Variants in PI4KA observed in about 807,000 individuals in gnomAD.
PI4KA encodes phosphatidylinositol 4-kinase alpha, also known as PI4-kinase alpha.
PI4KA carries 122 observed loss-of-function variants against 271.4 expected under a neutral mutation model. The observed-to-expected ratio is 0.45, with a 90% CI of 0.39 to 0.52. The LOEUF (loss-of-function observed/expected upper bound fraction) is 0.52, where lower values mean the gene tolerates loss of function less well. Among genes scored for constraint, PI4KA ranks in the 20% least tolerant of loss-of-function variants. PI4KA has a pLI of 0.00. For synonymous variants in PI4KA, 1,041 were observed against 1,078.8 expected, an observed-to-expected ratio of 0.96 and a Z score of 0.69; for missense variants, 1,969 against 2,769.1, an observed-to-expected ratio of 0.71 and a Z score of 6.48.
intron 19 of PI4KA, among the ~76,000 whole-genome samples, chr22:20,788,511 A>T (rs1934420159): frequency 6.6e-6 from 1 of 152,218 alleles, no homozygotes; most frequent in Non-Finnish European, 1.5e-5. Flanking sequence ...ACAGAAGGGA[A>T]GGCCTCTGCC....
intron 31 of PI4KA, 61 bp downstream of exon 31, chr22:20,742,547 C>A: frequency 6.3e-7 from 1 of 1,589,626 alleles, no homozygotes; most frequent in Non-Finnish European, 8.6e-7. Flanking sequence ...GGCTATGGGT[C>A]ATCAAGGCCA....
intron 29 of PI4KA, 154 bp downstream of exon 29, chr22:20,747,429 C>A (rs1405147244): frequency 1.6e-6 from 1 of 636,302 alleles, no homozygotes. Context: ...GGCCAAGGTG[C>A]GGCTTGCACC....
chr22:20,758,131 C>T (rs559316308), intron 23 of PI4KA, among the ~76,000 whole-genome samples: 21 of 151,876 alleles, frequency 1.4e-4, no homozygotes, highest in Non-Finnish European at 2.4e-4. Flanking sequence ...TTTGGGAGGC[C>T]GAGGCGGGCG....
intron 1 of PI4KA, among the ~76,000 whole-genome samples, chr22:20,850,857 T>A (rs898463153): frequency 3.3e-5 from 5 of 152,008 alleles, no homozygotes; most frequent in African/African-American, 1.2e-4. Context: ...CTGGGCAAGA[T>A]AGTAAGACCC....
rs778497936 is a variant in PI4KA at position 20,765,698 on chromosome 22, T to C, written c.2329-5A>G. 1 of 1,599,676 alleles carries C rather than the reference T, an allele frequency of 6.3e-7. No individual in the cohort carries two copies. The highest frequency in any genetic ancestry group is 8.6e-7 in the Non-Finnish European group (1 of 1,167,074). On this transcript the variant is annotated splice_polypyrimidine_tract_variant and splice_region_variant and intron_variant, in intron 19 of 54. Transcript: ENST00000255882. ...GGGTGGCAGTCGTCGGGTGAGCTGA[T>C]GTGCCAAGAAGAGAGGGAGAAAGGA...
At chr22:20,756,199 A>G (rs1381981684) in intron 23 of PI4KA, among the ~76,000 whole-genome samples, 1 of 151,434 alleles carries the variant, frequency 6.6e-6, no homozygotes, top group East Asian at 1.9e-4. Context: ...TGTGTTTAGT[A>G]TAATAGCTTT....
In PI4KA at chr22:20,761,287, C is replaced by G. The variant is rs376634335; in HGVS notation, c.2791+17G>C. 6.9e-7 allele frequency: 1 copy of G among 1,457,780 alleles called. No homozygotes were observed. Among genetic ancestry groups the G allele is most frequent in the African/African-American group, 1.4e-5 (1 of 71,774 alleles). 90.3% of individuals were successfully genotyped at this position (1,457,780 alleles called of 1,614,324 possible). A position where few individuals can be genotyped will look rare whatever the true frequency, so the allele number is the denominator to read the frequency against. Reference sequence around the variant, plus strand: ...AAAGCTCAATTCATCATGAAAGCACCATAATAATGAGCTTACCAGATTTGT... The same window carrying G: ...AAAGCTCAATTCATCATGAAAGCACGATAATAATGAGCTTACCAGATTTGT... On this transcript the variant is annotated intron_variant, in intron 23 of 54. Transcript: ENST00000255882.
At chr22:20,790,688 TAAAAA>T (rs759603129) in intron 19 of PI4KA, among the ~76,000 whole-genome samples, 3 of 108,402 alleles carry the variant, frequency 2.8e-5, no homozygotes, top group African/African-American at 1.2e-4. Flanking sequence ...TAAAAAAATT[TAAAAA>T]AAACAAACAC....
chr22:20,812,781 C>T (rs1220363297), intron 8 of PI4KA, among the ~76,000 whole-genome samples: 1 of 152,156 alleles, frequency 6.6e-6, no homozygotes, highest in Non-Finnish European at 1.5e-5. Flanking sequence ...GTCTCGAACT[C>T]CTGACCTCAA....
intron 43 of PI4KA, among the ~76,000 whole-genome samples, chr22:20,720,421 G>A (rs1046356329): frequency 5.3e-5 from 8 of 152,106 alleles, no homozygotes; most frequent in Admixed American, 2.0e-4. Flanking sequence ...TCGTGGTGGC[G>A]TGCACCTATA....
rs1204624562 is a variant in PI4KA at position 20,834,615 on chromosome 22, T to C, written c.314A>G (p.Lys105Arg). 1 of 1,611,364 alleles carries C rather than the reference T, an allele frequency of 6.2e-7. No individual in the cohort carries two copies. The highest frequency in any genetic ancestry group is 1.3e-5 in the African/African-American group (1 of 74,994). ...CVVPYLLRLL[K>R]GLPKVYWVEE... is the part of the protein sequence containing the mutation. ...TACCCAATACACTTTTGGAAGACCT[T>C]TGAGAAGTCGAAGAAGGTAAGGAAC... Residue 105 changes from lysine to arginine, a missense_variant, in exon 3 of 55, where the codon AAA becomes AGA. Around this residue, in one of 13 missense-constraint regions of PI4KA, gnomAD observed 540 missense variants for 555.5 expected, o/e 0.97. Transcript: ENST00000255882.
At position 20,749,977 on chromosome 22, in the gene PI4KA, G is replaced by C; in HGVS notation, c.3171C>G (p.Phe1057Leu). 1 of 1,612,834 alleles carries C rather than the reference G, an allele frequency of 6.2e-7. No homozygotes were observed. ...YEARESIVKDFAARCGMILQE... is the reference protein window; with the variant it reads ...YEARESIVKDLAARCGMILQE... ...GGAGGATCATCCCACAGCGTGCAGC[G>C]AAGTCCTTCACAATGCTCTGGAAGA... is the stretch of plus-strand genomic sequence containing the variant. The change falls in exon 28 of 55, where the codon TTC (phenylalanine) becomes TTG (leucine). Residue 1057 changes from phenylalanine (F) to leucine (L), a missense_variant. Transcript: ENST00000255882.
intron 23 of PI4KA, among the ~76,000 whole-genome samples, chr22:20,759,981 T>C (rs1045243761): frequency 3.3e-5 from 5 of 152,168 alleles, no homozygotes; most frequent in African/African-American, 4.8e-5. Flanking sequence ...ATTACAGCTG[T>C]GAGCCACTGT....
intron 19 of PI4KA, among the ~76,000 whole-genome samples, chr22:20,770,884 T>C (rs1932843706): frequency 6.6e-6 from 1 of 152,132 alleles, no homozygotes; most frequent in African/African-American, 2.4e-5. Context: ...AATTTCATGT[T>C]AAAAGATGGA....
intron 1 of PI4KA, among the ~76,000 whole-genome samples, chr22:20,843,054 C>A (rs1285488246): frequency 6.7e-6 from 1 of 148,556 alleles, no homozygotes; most frequent in African/African-American, 2.5e-5. Context: ...GCCGAGACTG[C>A]GCCACTGCAC....
chr22:20,803,400 C>A, intron 12 of PI4KA, 80 bp from the exon 13 acceptor site: 3 of 1,545,992 alleles, frequency 1.9e-6, no homozygotes, highest in Non-Finnish European at 2.7e-6. Context: ...GGTGCTCAAC[C>A]CTTCAGTACC....
In PI4KA at chr22:20,765,203, C is replaced by A; in HGVS notation, c.2471G>T (p.Cys824Phe). ...CAAGGGGGACTTAGTGGCTATTTCACAGACCCCCTCGTACCATTCTTCTGG... is the reference window on the plus strand; with the variant it reads ...CAAGGGGGACTTAGTGGCTATTTCAAAGACCCCCTCGTACCATTCTTCTGG... ...LWPEEWYEGV[C>F]EIATKSPLLT... is the part of the protein sequence containing the mutation. The change falls in exon 21 of 55, where the codon TGT becomes TTT. Residue 824 changes from cysteine (C) to phenylalanine (F), a missense_variant. Physicochemically the swap from Cys to Phe is radical, Grantham distance 205. This residue lies in a region of PI4KA where 368 missense variants were observed against 544.3 expected (regional missense o/e 0.68). Coordinates refer to ENST00000255882, the MANE Select transcript of PI4KA (RefSeq NM_058004.4). 6.2e-7 allele frequency: 1 copy of A among 1,613,750 alleles called. No homozygotes were observed.
At chr22:20,837,358 T>C (rs946556375) in intron 2 of PI4KA, among the ~76,000 whole-genome samples, 6 of 148,886 alleles carry the variant, frequency 4.0e-5, no homozygotes, top group African/African-American at 7.5e-5. Context: ...GCCTAGGCGA[T>C]AGAGTGACAC....
chr22:20,799,887 C>T (rs1435134248), intron 14 of PI4KA, 121 bp from the exon 15 acceptor site: 2 of 619,458 alleles, frequency 3.2e-6, no homozygotes, highest in Middle Eastern at 2.6e-4. Flanking sequence ...TTTCTTCCCC[C>T]CAAATTGGAG....
Sources: allele counts gnomAD v4.1 joint callset (sites outside exome capture counted in the v4.1 genomes callset), GRCh38; gene constraint gnomAD v4.1.1; regional missense constraint gnomAD v4.1.1; transcripts MANE v1.5; gene names NCBI Gene and HGNC (gene_info 2026-07-23, HGNC 2026-07-21).